DCC: variants seen among roughly 807,000 people sequenced by gnomAD.
The protein encoded by DCC is DCC netrin 1 receptor.
A neutral mutation model predicts 172.5 loss-of-function variants in DCC; 58 were observed. The observed-to-expected ratio is 0.34, with a 90% CI of 0.27 to 0.42. The LOEUF (loss-of-function observed/expected upper bound fraction) is 0.42, where lower values mean the gene tolerates loss of function less well. Ranked by LOEUF, DCC falls within the 10% of genes least tolerant of loss-of-function variation. The pLI is 1.00. For missense variants in DCC, 1,740 were observed against 1,791.0 expected, an observed-to-expected ratio of 0.97 and a Z score of 0.51; for synonymous variants, 709 against 644.5, an observed-to-expected ratio of 1.10 and a Z score of -1.52.
intron 5 of DCC, among the ~76,000 whole-genome samples, chr18:53,053,154 A>AAAAC (rs1158779309): frequency 1.3e-5 from 2 of 152,208 alleles, no homozygotes; most frequent in Non-Finnish European, 1.5e-5. Flanking sequence ...AACAAAATCA[A>AAAAC]AAACAAACAA....
chr18:52,369,964 T>C (rs972255711), intron 1 of DCC, among the ~76,000 whole-genome samples: 2 of 152,152 alleles, frequency 1.3e-5, no homozygotes, highest in African/African-American at 2.4e-5. Flanking sequence ...ACAGAGCTAA[T>C]TGCAGAAAAG....
intron 1 of DCC, among the ~76,000 whole-genome samples, chr18:52,693,462 G>A (rs1339452752): frequency 6.8e-6 from 1 of 146,790 alleles, no homozygotes; most frequent in African/African-American, 2.5e-5. Context: ...TTATATCTAT[G>A]TGTCTGTATA....
At chr18:53,101,174 T>C (rs975939311) in intron 7 of DCC, among the ~76,000 whole-genome samples, 5 of 152,116 alleles carry the variant, frequency 3.3e-5, no homozygotes, top group African/African-American at 9.7e-5. Context: ...TCCTTCCAGC[T>C]AGTTCCAGGT....
At chr18:53,396,468 G>A (rs1160754874) in intron 17 of DCC, among the ~76,000 whole-genome samples, 1 of 152,134 alleles carries the variant, frequency 6.6e-6, no homozygotes, top group African/African-American at 2.4e-5. Context: ...AATGAATTCA[G>A]AAGACTTCAA....
At chr18:52,726,894 C>T (rs573391220) in intron 1 of DCC, among the ~76,000 whole-genome samples, 2 of 152,330 alleles carry the variant, frequency 1.3e-5, no homozygotes, top group South Asian at 2.1e-4. Context: ...TCAATAGAAA[C>T]TGCTATTGGT....
chr18:52,596,896 C>T (rs2033919710), intron 1 of DCC, among the ~76,000 whole-genome samples: 1 of 152,182 alleles, frequency 6.6e-6, no homozygotes, highest in Admixed American at 6.5e-5. Context: ...CAGGAGTCTC[C>T]GTGTTTGTTT....
intron 2 of DCC, among the ~76,000 whole-genome samples, chr18:52,902,161 A>G (rs1420880331): frequency 6.6e-6 from 1 of 152,212 alleles, no homozygotes; most frequent in Non-Finnish European, 1.5e-5. Context: ...GTTTTGCAGA[A>G]GTTGTGGAAA....
intron 12 of DCC, among the ~76,000 whole-genome samples, chr18:53,218,636 A>G (rs1477676430): frequency 6.6e-6 from 1 of 152,158 alleles, no homozygotes; most frequent in Non-Finnish European, 1.5e-5. Flanking sequence ...GTTACATGTC[A>G]GGTGAAACTG....
At chr18:53,289,128 A>C (rs2056968928) in intron 12 of DCC, among the ~76,000 whole-genome samples, 1 of 150,272 alleles carries the variant, frequency 6.7e-6, no homozygotes, top group African/African-American at 2.5e-5. Context: ...TATTTATAAC[A>C]ATTTAGTGGT....
chr18:52,798,558 A>G (rs1021621701), intron 2 of DCC, among the ~76,000 whole-genome samples: 2 of 151,874 alleles, frequency 1.3e-5, no homozygotes, highest in African/African-American at 4.8e-5. Context: ...GTTAAAAAAT[A>G]AAAATCCAAA....
intron 12 of DCC, among the ~76,000 whole-genome samples, chr18:53,263,691 A>G (rs913441017): frequency 6.6e-6 from 1 of 152,088 alleles, no homozygotes; most frequent in Non-Finnish European, 1.5e-5. Flanking sequence ...AAAGTTGTGC[A>G]ATATAGTTTT....
At chr18:53,179,686 G>C (rs1004109099) in intron 9 of DCC, among the ~76,000 whole-genome samples, 6 of 152,054 alleles carry the variant, frequency 3.9e-5, no homozygotes, top group Non-Finnish European at 8.8e-5. Context: ...TAGAGCAGCT[G>C]AATGTTCTTT....
At chr18:52,746,612 G>T (rs1363627987) in intron 1 of DCC, among the ~76,000 whole-genome samples, 1 of 152,132 alleles carries the variant, frequency 6.6e-6, no homozygotes, top group Non-Finnish European at 1.5e-5. Context: ...AGAAGAATAT[G>T]ATAAAGAGAG....
chr18:53,377,556 C>T (rs555886074), intron 15 of DCC, among the ~76,000 whole-genome samples: 18 of 152,312 alleles, frequency 1.2e-4, no homozygotes, highest in East Asian at 7.7e-4. Flanking sequence ...AAATTTCCAA[C>T]GCATGAACCT....
chr18:53,519,397 A>T (rs1484415684), intron 27 of DCC, among the ~76,000 whole-genome samples: 1 of 152,046 alleles, frequency 6.6e-6, no homozygotes, highest in Non-Finnish European at 1.5e-5. Flanking sequence ...TCAGAGTGGG[A>T]AACGTTTCAT....
chr18:53,436,610 C>T (rs1050183107), intron 22 of DCC, among the ~76,000 whole-genome samples: 3 of 152,122 alleles, frequency 2.0e-5, no homozygotes, highest in African/African-American at 7.2e-5. Flanking sequence ...GGTTATCTCT[C>T]CTCTGGCCAA....
At chr18:52,537,748 A>G (rs1344336164) in intron 1 of DCC, among the ~76,000 whole-genome samples, 4 of 152,216 alleles carry the variant, frequency 2.6e-5, no homozygotes, top group African/African-American at 9.6e-5. Context: ...CTGTCTGTCA[A>G]TGCAGAGTAT....
At chr18:52,362,546 A>G (rs908907528) in intron 1 of DCC, among the ~76,000 whole-genome samples, 2 of 152,178 alleles carry the variant, frequency 1.3e-5, no homozygotes, top group Admixed American at 6.5e-5. Flanking sequence ...TTTGAATGCT[A>G]TAATAGATTT....
At chr18:53,177,294 A>T (rs1021441206) in intron 8 of DCC, among the ~76,000 whole-genome samples, 1 of 152,114 alleles carries the variant, frequency 6.6e-6, no homozygotes, top group South Asian at 2.1e-4. Context: ...ACTAACCTGC[A>T]CAATGTGCAC....
Sources: gnomAD v4.1 joint callset for allele counts (sites outside exome capture counted in the v4.1 genomes callset) on GRCh38, gnomAD v4.1.1 for gene constraint, MANE v1.5 for transcripts, NCBI Gene and HGNC (gene_info 2026-07-23, HGNC 2026-07-21) for gene names.